The following GRIK4 variants were observed in gnomAD, a reference collection of about 807,000 sequenced individuals.
GRIK4 encodes the protein glutamate receptor ionotropic, kainate 4.
GRIK4 carries 40 observed loss-of-function variants against 104.9 expected under a neutral mutation model. That is an observed-to-expected ratio of 0.38 (90% CI 0.30 to 0.50). The LOEUF (loss-of-function observed/expected upper bound fraction) is 0.50. Among genes scored for constraint, GRIK4 ranks in the 20% least tolerant of loss-of-function variants. The pLI is 0.93. For missense variants in GRIK4, 1,047 were observed against 1,308.1 expected (o/e 0.80, Z 3.08); for synonymous variants, 485 against 524.9 (o/e 0.92, Z 1.04).
chr11:120,924,546 C>T (rs558750418), intron 13 of GRIK4, among the ~76,000 whole-genome samples: 1 of 146,914 alleles, frequency 6.8e-6, no homozygotes, highest in Non-Finnish European at 1.5e-5. Flanking sequence ...GAAATATACC[C>T]TTAGCGGCAT....
rs933026248 is a variant in GRIK4 at position 120,986,268 on chromosome 11, G to A, written c.*8G>A. The A allele has an allele frequency of 1.3e-6, 2 of 1,551,408 alleles. No individual in the cohort carries two copies. Among genetic ancestry groups the A allele is most frequent in the Admixed American group, 3.6e-5 (2 of 55,238 alleles). ...AGCAGCGAGCCCGAGTAGTCCCGGAGGCCACAGGACGCGCAGAGGCCGGGC... is the reference window on the plus strand; with the variant it reads ...AGCAGCGAGCCCGAGTAGTCCCGGAAGCCACAGGACGCGCAGAGGCCGGGC... On this transcript the variant is annotated 3_prime_UTR_variant, in exon 21 of 21. Transcript: ENST00000527524.
intron 13 of GRIK4, among the ~76,000 whole-genome samples, chr11:120,911,713 A>G (rs1259057968): frequency 6.6e-6 from 1 of 150,560 alleles, no homozygotes; most frequent in African/African-American, 2.4e-5. Flanking sequence ...GTGGTGGTGC[A>G]TGCCTGTAAT....
chr11:120,520,527 G>C (rs1024335005), intron 1 of GRIK4, among the ~76,000 whole-genome samples: 1 of 152,210 alleles, frequency 6.6e-6, no homozygotes, highest in African/African-American at 2.4e-5. Context: ...GCATTGAGGA[G>C]ACCCTCTCCT....
At position 120,987,114 on chromosome 11, in the gene GRIK4, C is replaced by CT. The variant is rs1944768305; in HGVS notation, c.*855dup. The CT allele has an allele frequency of 6.6e-6, 1 of 152,270 alleles. No individual in the cohort carries two copies. Among genetic ancestry groups the CT allele is most frequent in the Non-Finnish European group, 1.5e-5 (1 of 68,082 alleles). The allele number at this position is 152,270 out of a possible 1,614,324, so 9.4% of individuals were successfully genotyped here. The stretch of plus-strand genomic sequence containing the variant: ...TTTCCCTTTCTCTTTCTGACTGTCA[C>CT]TATTACTGGGTTTGATTTGATCTTT... On this transcript the variant is annotated 3_prime_UTR_variant, in exon 21 of 21. Coordinates refer to ENST00000527524, the MANE Select transcript of GRIK4 (RefSeq NM_014619.5).
At chr11:120,620,912 C>T (rs1020855665) in intron 1 of GRIK4, among the ~76,000 whole-genome samples, 3 of 152,164 alleles carry the variant, frequency 2.0e-5, no homozygotes, top group Admixed American at 6.5e-5. Context: ...TATCATTACC[C>T]GCCTCTTACT....
rs115794893 is a variant in GRIK4, at chr11:120,851,278, G to A, written c.745-10681G>A. Reference sequence around the variant, plus strand: ...CCCAGCCATACTGAATGACTTGCAGGTCCCTGAATCTGTTATAAGCTCTTG... The same window carrying A: ...CCCAGCCATACTGAATGACTTGCAGATCCCTGAATCTGTTATAAGCTCTTG... On this transcript the variant is annotated intron_variant, in intron 8 of 20. Coordinates refer to ENST00000527524, the MANE Select transcript of GRIK4 (RefSeq NM_014619.5). Among the ~76,000 whole-genome samples the A allele has an allele frequency of 6.7e-3, 1,019 of 152,188 alleles. 15 individuals carry two copies. The highest frequency in any genetic ancestry group is 0.023 in the African/African-American group (967 of 41,498).
At chr11:120,841,098 TGTG>T (rs1448350076) in intron 8 of GRIK4, among the ~76,000 whole-genome samples, 1 of 152,256 alleles carries the variant, frequency 6.6e-6, no homozygotes, top group Non-Finnish European at 1.5e-5. Flanking sequence ...TTTGTATTAT[TGTG>T]GTGAAATATA....
chr11:120,688,941 C>T (rs1316181441), intron 3 of GRIK4, among the ~76,000 whole-genome samples: 1 of 152,060 alleles, frequency 6.6e-6, no homozygotes, highest in East Asian at 1.9e-4. Context: ...CTTTCTGCAC[C>T]AGGTCTTGGG....
chr11:120,694,890 G>A (rs1419923894), intron 3 of GRIK4, among the ~76,000 whole-genome samples: 2 of 152,148 alleles, frequency 1.3e-5, no homozygotes, highest in African/African-American at 2.4e-5. Flanking sequence ...ACTGCAGCCC[G>A]TAACACTTCC....
intron 2 of GRIK4, among the ~76,000 whole-genome samples, chr11:120,657,081 A>G (rs1949722689): frequency 6.6e-6 from 1 of 152,364 alleles, no homozygotes; most frequent in South Asian, 2.1e-4. Context: ...GTACTTTTAT[A>G]TAGCCTAACT....
At chr11:120,856,896 C>G (rs1447685220) in intron 8 of GRIK4, among the ~76,000 whole-genome samples, 1 of 152,160 alleles carries the variant, frequency 6.6e-6, no homozygotes, top group African/African-American at 2.4e-5. Flanking sequence ...AGTGATGGGA[C>G]TTGCCTGCTT....
At chr11:120,855,957 C>G (rs1208673516) in intron 8 of GRIK4, among the ~76,000 whole-genome samples, 1 of 152,230 alleles carries the variant, frequency 6.6e-6, no homozygotes, top group Admixed American at 6.5e-5. Context: ...GAAGGCGAAG[C>G]CTCCAGGCCA....
At chr11:120,858,745 G>C (rs1027981261) in intron 8 of GRIK4, among the ~76,000 whole-genome samples, 1 of 152,174 alleles carries the variant, frequency 6.6e-6, no homozygotes, top group African/African-American at 2.4e-5. Context: ...TTCATTGTTT[G>C]TAAACTAACG....
chr11:120,819,816 C>T lies in GRIK4; in HGVS notation c.407C>T (p.Thr136Ile), dbSNP rs537484486. The change falls in exon 6 of 21, where the codon ACC becomes ATC. Residue 136 changes from threonine to isoleucine, a missense_variant. Physicochemically the swap from Thr to Ile is moderately conservative, Grantham distance 89. Around this residue, in one of 3 missense-constraint regions of GRIK4, gnomAD observed 447 missense variants for 514.9 expected, o/e 0.87. Coordinates refer to ENST00000527524, the MANE Select transcript of GRIK4 (RefSeq NM_014619.5). The surrounding 1 kb of genome is among the most constrained non-coding windows in gnomAD (Gnocchi z 4.3). ...AAGTTCCAGTTCCAGAGATTCACAA[C>T]CCTGAACCTCCACCCCAGCAACACT... ...FVKFQFQRFT[T>I]LNLHPSNTDI... 1 of 1,614,110 alleles carries T rather than the reference C, an allele frequency of 6.2e-7. No individual in the cohort carries two copies. Among genetic ancestry groups the T allele is most frequent in the East Asian group, 2.2e-5 (1 of 44,878 alleles).
chr11:120,540,595 C>G (rs1303638590), intron 1 of GRIK4, among the ~76,000 whole-genome samples: 1 of 151,914 alleles, frequency 6.6e-6, no homozygotes, highest in Non-Finnish European at 1.5e-5. Context: ...GTCTAGGCAA[C>G]AGAGTGAGAC....
At chr11:120,589,940 C>G (rs1948714752) in intron 1 of GRIK4, among the ~76,000 whole-genome samples, 1 of 152,074 alleles carries the variant, frequency 6.6e-6, no homozygotes, top group Non-Finnish European at 1.5e-5. Flanking sequence ...CCCCTGAGGC[C>G]CAGGGAGGGA....
At chr11:120,692,046 C>G (rs1438587128) in intron 3 of GRIK4, among the ~76,000 whole-genome samples, 1 of 152,220 alleles carries the variant, frequency 6.6e-6, no homozygotes, top group African/African-American at 2.4e-5. Flanking sequence ...TGGGTGATGT[C>G]CCTTCCATCT....
In GRIK4 at chr11:120,512,139, C is replaced by A. The variant is rs554344542; in HGVS notation, c.-159+252C>A. Among the ~76,000 whole-genome samples the A allele has an allele frequency of 4.3e-3, 651 of 151,468 alleles. 6 individuals carry two copies. Among genetic ancestry groups the A allele is most frequent in the African/African-American group, 0.014 (587 of 41,312 alleles). On this transcript the variant is annotated intron_variant, in intron 1 of 20. Coordinates refer to ENST00000527524, the MANE Select transcript of GRIK4 (RefSeq NM_014619.5). ...TCTCCAGATTCGCCGCCGAACCCCC[C>A]ACCGCTCTGCTCCCGTAGTTCCTCC...
At chr11:120,782,576 C>T (rs895946855) in intron 3 of GRIK4, among the ~76,000 whole-genome samples, 10 of 152,120 alleles carry the variant, frequency 6.6e-5, no homozygotes, top group African/African-American at 1.2e-4. Context: ...TGAGCCACCG[C>T]GCCTGGCCGC....
Sources: allele counts gnomAD v4.1 joint callset (sites outside exome capture counted in the v4.1 genomes callset), GRCh38; gene constraint gnomAD v4.1.1; regional missense constraint gnomAD v4.1.1; non-coding constraint Gnocchi (gnomAD v3.1); transcripts MANE v1.5; gene names NCBI Gene and HGNC (gene_info 2026-07-23, HGNC 2026-07-21).